MICAL3: variants seen among roughly 807,000 people sequenced by gnomAD.
MICAL3 encodes the protein microtubule associated monooxygenase, calponin and LIM domain containing 3.
A neutral mutation model predicts 207.4 loss-of-function variants in MICAL3; 62 were observed. The ratio of observed to expected loss-of-function variants is 0.30; its 90% CI spans 0.24 to 0.37. MICAL3 has a LOEUF of 0.37. Among genes scored for constraint, MICAL3 ranks in the 10% least tolerant of loss-of-function variants. The pLI, the probability that MICAL3 is intolerant of heterozygous loss-of-function variation, is 1.00. For synonymous variants in MICAL3, 1,077 were observed against 1,069.3 expected (o/e 1.01, Z -0.14); for missense variants, 2,368 against 2,635.6 (o/e 0.90, Z 2.22).
intron 1 of MICAL3, among the ~76,000 whole-genome samples, chr22:17,964,431 T>A (rs780120644): frequency 8.5e-5 from 13 of 152,210 alleles, no homozygotes; most frequent in Non-Finnish European, 1.8e-4. Flanking sequence ...CCCTGACTCT[T>A]ATGTGATGAT....
intron 1 of MICAL3, among the ~76,000 whole-genome samples, chr22:17,952,674 G>C (rs1448313247): frequency 1.3e-5 from 2 of 152,166 alleles, no homozygotes; most frequent in African/African-American, 2.4e-5. Context: ...GCCAAGGCAG[G>C]GGGTGGAGAG....
chr22:17,856,921 G>A (rs965872607), intron 19 of MICAL3, among the ~76,000 whole-genome samples: 18 of 152,074 alleles, frequency 1.2e-4, no homozygotes, highest in African/African-American at 3.6e-4. Flanking sequence ...GCGCCCGGCC[G>A]AAAATGTTTA....
At chr22:18,023,533 G>C (rs928670786) in intron 1 of MICAL3, among the ~76,000 whole-genome samples, 10 of 152,274 alleles carry the variant, frequency 6.6e-5, no homozygotes, top group African/African-American at 2.4e-4. Context: ...CAGGCACGGA[G>C]AGGACTTGAC....
At chr22:17,945,012 T>G (rs9605445) in intron 1 of MICAL3, among the ~76,000 whole-genome samples, 4 of 124,364 alleles carry the variant, frequency 3.2e-5, no homozygotes, top group East Asian at 3.2e-4. Flanking sequence ...GGGGACCTTT[T>G]TTTTTTTTTT....
rs765336961 is a variant in MICAL3, at chr22:17,906,698, G to C, written c.115C>G (p.Leu39Val). 6.2e-7 allele frequency: 1 copy of C among 1,613,990 alleles called. No individual in the cohort carries two copies. The highest frequency in any genetic ancestry group is 8.5e-7 in the Non-Finnish European group (1 of 1,179,886). ...CGGTAGTCCTTTGGCTTTAGTTCCAGGTGGTCACAGAGCTCCTGGAAAGCC... is the reference window on the plus strand; with the variant it reads ...CGGTAGTCCTTTGGCTTTAGTTCCACGTGGTCACAGAGCTCCTGGAAAGCC... ...LKAFQELCDH[L>V]ELKPKDYRSF... The change falls in exon 2 of 32, where the codon CTG (leucine) becomes GTG (valine). Residue 39 changes from leucine to valine, a missense_variant. Coordinates refer to ENST00000441493, the MANE Select transcript of MICAL3 (RefSeq NM_015241.3).
At chr22:17,890,297 TG>T (rs963189109) in intron 12 of MICAL3, among the ~76,000 whole-genome samples, 5 of 152,128 alleles carry the variant, frequency 3.3e-5, no homozygotes, top group African/African-American at 1.2e-4. Flanking sequence ...GTCCCTGTGC[TG>T]CTTTGCCTTC....
At chr22:17,882,435 G>C (rs1929524899) in intron 16 of MICAL3, among the ~76,000 whole-genome samples, 1 of 152,196 alleles carries the variant, frequency 6.6e-6, no homozygotes, top group South Asian at 2.1e-4. Flanking sequence ...CTTGAAGGGA[G>C]ATGCGGAGGG....
Position 17,970,376 on chromosome 22 carries a change from G to A in MICAL3, c.-75+53905C>T, listed in dbSNP as rs932066552. 5.3e-5 allele frequency among the ~76,000 whole-genome samples: 8 copies of A among 152,248 alleles called. No individual in the cohort carries two copies. The South Asian group carries it at 1.5e-3, about 28-fold the overall frequency. On this transcript the variant is annotated intron_variant, in intron 1 of 31. Transcript: ENST00000441493. ...CCAGGGCCCACTGGTCCTTGAGTGA[G>A]CGGCTGACCAGCTGCAGGGCCATGA...
intron 15 of MICAL3, 101 bp downstream of exon 15, chr22:17,887,069 A>G (rs972557457): frequency 5.8e-5 from 37 of 634,214 alleles, no homozygotes; most frequent in Middle Eastern, 5.1e-4. Flanking sequence ...ATAAAGGATG[A>G]ATATGAAAAG....
chr22:17,979,727 A>C (rs1410871412), intron 1 of MICAL3, among the ~76,000 whole-genome samples: 1 of 152,012 alleles, frequency 6.6e-6, no homozygotes, highest in African/African-American at 2.4e-5. Context: ...ATCTCTGTCT[A>C]AAGTCTCTTC....
intron 1 of MICAL3, among the ~76,000 whole-genome samples, chr22:17,966,668 A>G (rs1009471497): frequency 1.3e-5 from 2 of 152,224 alleles, no homozygotes; most frequent in African/African-American, 4.8e-5. Context: ...CAATGGTGAT[A>G]AAGACAGTAC....
chr22:17,859,334 C>T (rs1474679252), intron 19 of MICAL3, among the ~76,000 whole-genome samples: 3 of 152,160 alleles, frequency 2.0e-5, no homozygotes, highest in Non-Finnish European at 4.4e-5. Flanking sequence ...GTGAGAACAC[C>T]CAAGTGCCTA....
chr22:17,788,972 G>A lies in MICAL3; in HGVS notation c.*1760C>T, dbSNP rs989069014. On this transcript the variant is annotated 3_prime_UTR_variant, in exon 32 of 32. Transcript: ENST00000441493. ...TGGAGCGCCCCTGGCAGGCGGGTCT[G>A]GTCCGGATGGCTCCTCGCTGGGCTA... 6.6e-6 allele frequency: 1 copy of A among 152,624 alleles called. No individual in the cohort carries two copies. Among genetic ancestry groups the A allele is most frequent in the Non-Finnish European group, 1.5e-5 (1 of 68,362 alleles). The allele number at this position is 152,624 out of a possible 1,614,324, so 9.5% of individuals were successfully genotyped here. A position where few individuals can be genotyped will look rare whatever the true frequency, so the allele number is the denominator to read the frequency against.
At chr22:17,826,545 A>G in intron 22 of MICAL3, 1 of 979,170 alleles carries the variant, frequency 1.0e-6, no homozygotes, top group Non-Finnish European at 1.2e-6. Context: ...ACAAATACAA[A>G]GTTACACAGC....
At chr22:17,899,581 T>A (rs1342383993) in intron 6 of MICAL3, 33 bp from the exon 7 acceptor site, 1 of 1,403,820 alleles carries the variant, frequency 7.1e-7, no homozygotes, top group South Asian at 1.2e-5. Context: ...TGCATGTAAG[T>A]TTGCTGAGAT....
intron 1 of MICAL3, among the ~76,000 whole-genome samples, chr22:17,913,187 G>A (rs919136149): frequency 2.6e-5 from 4 of 151,918 alleles, no homozygotes; most frequent in Admixed American, 6.6e-5. Context: ...CCTGTCACCC[G>A]GCTGCACTCC....
chr22:17,833,763 T>C (rs972349691), intron 20 of MICAL3, among the ~76,000 whole-genome samples: 8 of 152,120 alleles, frequency 5.3e-5, no homozygotes, highest in African/African-American at 1.7e-4. Flanking sequence ...ATGTGGATAA[T>C]CAATCAATCA....
rs77564913 is a variant in MICAL3 at position 17,827,351 on chromosome 22, C to T, written c.3193+293G>A. Reference sequence around the variant, plus strand: ...GAAGTGAGGAAAGAGCAGCGGTGACCAGAAACATGAGAGAAAGACAGAAAA... The same window carrying T: ...GAAGTGAGGAAAGAGCAGCGGTGACTAGAAACATGAGAGAAAGACAGAAAA... On this transcript the variant is annotated intron_variant, in intron 22 of 31. Transcript: ENST00000441493. Among the ~76,000 whole-genome samples, 1,065 of 152,262 alleles carry T rather than the reference C, an allele frequency of 7.0e-3. 11 individuals are homozygous for T. Among genetic ancestry groups the T allele is most frequent in the African/African-American group, 0.024 (1,016 of 41,522 alleles).
At chr22:17,861,317 G>T in intron 19 of MICAL3, 5 of 985,388 alleles carry the variant, frequency 5.1e-6, no homozygotes, top group Non-Finnish European at 6.0e-6. Context: ...GGGGACAGGG[G>T]TCAGGCAACT....
Sources: allele counts gnomAD v4.1 joint callset (sites outside exome capture counted in the v4.1 genomes callset), GRCh38; gene constraint gnomAD v4.1.1; transcripts MANE v1.5; gene names NCBI Gene and HGNC (gene_info 2026-07-23, HGNC 2026-07-21).